Variants in RTL4 observed in about 807,000 individuals in gnomAD.
RTL4 encodes retrotransposon Gag-like protein 4.
RTL4 carries 4 observed loss-of-function variants against 5.3 expected under a neutral mutation model. That is an observed-to-expected ratio of 0.75 (90% CI 0.37 to 1.72). RTL4 has a LOEUF of 1.72. Ranked by LOEUF, RTL4 falls within the 40% of genes most tolerant of loss-of-function variation. The pLI is 0.04. For missense variants in RTL4, 260 were observed against 227.1 expected (o/e 1.14, Z -0.93); for synonymous variants, 98 against 87.3 (o/e 1.12, Z -0.68).
the RTL4 span, among the ~76,000 whole-genome samples, chrX:112,430,019 G>A: frequency 3.6e-5 from 4 of 111,168 alleles, no homozygotes; most frequent in Non-Finnish European, 5.7e-5. Flanking sequence ...ATGCCTAGGT[G>A]TATTTTCTGG....
At chrX:112,345,926 T>A in the RTL4 span, among the ~76,000 whole-genome samples, 2 of 111,636 alleles carry the variant, frequency 1.8e-5, no homozygotes, top group South Asian at 7.4e-4. Context: ...GGAGATTTAA[T>A]GAAAAAGGAT....
At chrX:112,322,770 T>C in the RTL4 span, among the ~76,000 whole-genome samples, 1 of 111,897 alleles carries the variant, frequency 8.9e-6, no homozygotes, top group Non-Finnish European at 1.9e-5. Context: ...TTCATCATTA[T>C]TTTTTAACGG....
the RTL4 span, among the ~76,000 whole-genome samples, chrX:112,213,198 T>C: frequency 8.9e-6 from 1 of 112,955 alleles, no homozygotes; most frequent in Non-Finnish European, 1.9e-5. Context: ...GAGTTTATGA[T>C]GGGCCACAAG....
At chrX:112,350,781 T>C in the RTL4 span, among the ~76,000 whole-genome samples, 2 of 111,200 alleles carry the variant, frequency 1.8e-5, no homozygotes, top group Admixed American at 1.9e-4. Flanking sequence ...GTCTTGCTAG[T>C]GGTCTATCAA....
chrX:112,112,386 G>T, the RTL4 span, among the ~76,000 whole-genome samples: 58 of 111,483 alleles, frequency 5.2e-4, no homozygotes, highest in South Asian at 0.02. Context: ...AGTATAGAGG[G>T]GCCTGGCTAT....
the RTL4 span, among the ~76,000 whole-genome samples, chrX:112,252,797 CAT>C: frequency 1.8e-5 from 2 of 111,107 alleles, no homozygotes; most frequent in African/African-American, 6.6e-5. Context: ...TGCTGAAAAA[CAT>C]AGAACCACAG....
the RTL4 span, among the ~76,000 whole-genome samples, chrX:112,140,621 C>T: frequency 9.0e-6 from 1 of 110,653 alleles, no homozygotes; most frequent in Admixed American, 9.7e-5. Context: ...CTTCCTCAAG[C>T]CTTTTTTAAA....
the RTL4 span, among the ~76,000 whole-genome samples, chrX:112,321,084 A>G: frequency 9.0e-6 from 1 of 111,293 alleles, no homozygotes; most frequent in Non-Finnish European, 1.9e-5. Context: ...ATGTTGAGCA[A>G]CAATTTGCTG....
chrX:112,197,035 TTA>T, the RTL4 span, among the ~76,000 whole-genome samples: 1 of 108,824 alleles, frequency 9.2e-6, no homozygotes, highest in African/African-American at 3.3e-5. Flanking sequence ...ATATAACTAT[TTA>T]TATGTTTGTA....
chrX:112,417,081 T>A, the RTL4 span, among the ~76,000 whole-genome samples: 3 of 111,561 alleles, frequency 2.7e-5, no homozygotes, highest in Non-Finnish European at 5.6e-5. Flanking sequence ...CCGAAAGAGC[T>A]TGACTCACTT....
chrX:112,404,142 G>A, the RTL4 span, among the ~76,000 whole-genome samples: 1 of 111,174 alleles, frequency 9.0e-6, no homozygotes, highest in Non-Finnish European at 1.9e-5. Context: ...CTGGTTCACT[G>A]TTTATGTGGG....
the RTL4 span, among the ~76,000 whole-genome samples, chrX:112,114,372 A>G: frequency 8.9e-6 from 1 of 111,746 alleles, no homozygotes; most frequent in South Asian, 3.8e-4. Flanking sequence ...TGACTAAGAT[A>G]CCGGGTATCT....
At chrX:112,419,890 C>T in the RTL4 span, among the ~76,000 whole-genome samples, 660 of 109,425 alleles carry the variant, frequency 6.0e-3, 3 homozygotes, top group Middle Eastern at 0.019. Context: ...AATGTCCTTA[C>T]CCTATTACAG....
chrX:112,417,542 G>A, the RTL4 span, among the ~76,000 whole-genome samples: 1 of 111,480 alleles, frequency 9.0e-6, no homozygotes, highest in Non-Finnish European at 1.9e-5. Context: ...AAAAATCCAG[G>A]GAATTTCTTA....
the RTL4 span, among the ~76,000 whole-genome samples, chrX:112,272,338 T>C: frequency 1.8e-5 from 2 of 112,063 alleles, no homozygotes; most frequent in East Asian, 2.8e-4. Flanking sequence ...CCCTGAGTGA[T>C]AAATTTGAGG....
At chrX:112,248,495 A>G in the RTL4 span, among the ~76,000 whole-genome samples, 1 of 112,404 alleles carries the variant, frequency 8.9e-6, no homozygotes, top group Admixed American at 9.5e-5. Context: ...ATGTTGCCTT[A>G]CAATAGCTTT....
chrX:112,320,966 T>C, the RTL4 span, among the ~76,000 whole-genome samples: 1 of 111,411 alleles, frequency 9.0e-6, no homozygotes, highest in Non-Finnish European at 1.9e-5. Flanking sequence ...TAATGGTTAT[T>C]ATAGACTCAT....
the RTL4 span, among the ~76,000 whole-genome samples, chrX:112,313,240 AT>A: frequency 5.4e-5 from 6 of 110,974 alleles, no homozygotes; most frequent in Admixed American, 1.9e-4. Flanking sequence ...ACTGGTGGCT[AT>A]TTATGTTTTT....
the RTL4 span, chrX:112,320,181 G>A: frequency 8.9e-6 from 1 of 111,757 alleles, no homozygotes; most frequent in East Asian, 2.8e-4. Flanking sequence ...TGTTTCCCTT[G>A]GAAGGACTGG....
Sources: allele counts gnomAD v4.1 joint callset (sites outside exome capture counted in the v4.1 genomes callset), GRCh38; gene constraint gnomAD v4.1.1; transcripts MANE v1.5; gene names NCBI Gene and HGNC (gene_info 2026-07-23, HGNC 2026-07-21).